Variants in TACC2 observed in about 807,000 individuals in gnomAD.
TACC2 encodes the protein transforming acidic coiled-coil containing protein 2.
In TACC2, 137 loss-of-function variants were observed where a neutral mutation model predicts 227.3. That is an observed-to-expected ratio of 0.60 (90% CI 0.52 to 0.69). The LOEUF (loss-of-function observed/expected upper bound fraction) is 0.69, where lower values mean the gene tolerates loss of function less well. TACC2 is among the 30% of genes least tolerant of loss of function. The probability of loss-of-function intolerance (pLI) is 0.00; values close to 1 mark genes in which losing one functional copy is unlikely to be tolerated. For synonymous variants in TACC2, 1,523 were observed against 1,487.5 expected (o/e 1.02, Z -0.55); for missense variants, 3,470 against 3,694.4 (o/e 0.94, Z 1.57).
intron 18 of TACC2, 32 bp from the exon 19 acceptor site, chr10:122,241,926 A>G (rs1295206150): frequency 6.2e-7 from 1 of 1,609,492 alleles, no homozygotes; most frequent in African/African-American, 1.3e-5. Context: ...TTCTGTTGTC[A>G]TGACTCCAAC....
chr10:122,041,501 C>T (rs1482915864), intron 2 of TACC2, among the ~76,000 whole-genome samples: 1 of 147,240 alleles, frequency 6.8e-6, no homozygotes, highest in Non-Finnish European at 1.5e-5. Context: ...GGCTGGAATG[C>T]AATGGCGCGA....
In TACC2 at chr10:122,105,944, CTGTGTG is replaced by C. The variant is rs71022897; in HGVS notation, c.5573+17375_5573+17380del. Among the ~76,000 whole-genome samples the C allele has an allele frequency of 3.6e-4, 53 of 145,230 alleles. No individual in the cohort carries two copies. In the East Asian group the frequency reaches 8.5e-3, roughly 23 times the overall value. On this transcript the variant is annotated intron_variant, in intron 5 of 22. Transcript: ENST00000369005. The stretch of plus-strand genomic sequence containing the variant: ...GGCCTGTCATAAACATTTTCTCTCT[CTGTGTG>C]TGTGTGTGTGTGTGTGTGTGTATGT...
intron 2 of TACC2, among the ~76,000 whole-genome samples, chr10:122,038,149 A>G (rs965190668): frequency 1.3e-5 from 2 of 152,000 alleles, no homozygotes; most frequent in African/African-American, 4.8e-5. Flanking sequence ...GGTCCCAGCT[A>G]TTTGGGAGGC....
intron 7 of TACC2, chr10:122,163,776 C>T: frequency 1.6e-6 from 2 of 1,223,538 alleles, no homozygotes; most frequent in Non-Finnish European, 2.0e-6. Flanking sequence ...CCTGCCGCCG[C>T]TCCCGCCGCC....
chr10:122,122,081 C>T (rs2085924875), intron 5 of TACC2, among the ~76,000 whole-genome samples: 1 of 152,158 alleles, frequency 6.6e-6, no homozygotes, highest in East Asian at 1.9e-4. Flanking sequence ...GTTAGCCAGG[C>T]GCGGTGGCTC....
rs1022979827 is a variant in TACC2, at chr10:122,087,763, G to A, written c.5263G>A (p.Ala1755Thr). 2 of 1,609,288 alleles carry A rather than the reference G, an allele frequency of 1.2e-6. No individual in the cohort carries two copies. Among genetic ancestry groups the A allele is most frequent in the African/African-American group, 2.7e-5 (2 of 74,896 alleles). Residue 1755 changes from alanine (A) to threonine (T), a missense_variant, in exon 4 of 23, where the codon GCT becomes ACT. Ala to Thr is a moderately conservative substitution (Grantham distance 58, BLOSUM62 0). Coordinates refer to ENST00000369005, the MANE Select transcript of TACC2 (RefSeq NM_206862.4). ...SCQDPACSDKAPGMEGTAALH... is the reference protein window; with the variant it reads ...SCQDPACSDKTPGMEGTAALH... ...TCAGGACCCAGCCTGCTCTGACAAGGCTCCGGGGATGGAGGGTACAGCTGC... is the reference window on the plus strand; with the variant it reads ...TCAGGACCCAGCCTGCTCTGACAAGACTCCGGGGATGGAGGGTACAGCTGC...
chr10:122,122,981 G>C (rs1204792071), intron 5 of TACC2, among the ~76,000 whole-genome samples: 2 of 152,122 alleles, frequency 1.3e-5, no homozygotes, highest in African/African-American at 4.8e-5. Flanking sequence ...TTTCTCCTCT[G>C]CTGCTGAGAG....
chr10:122,205,992 G>A lies in TACC2; in HGVS notation c.5972-4405G>A, dbSNP rs111311425. On this transcript the variant is annotated intron_variant, in intron 8 of 22. Coordinates refer to ENST00000369005, the MANE Select transcript of TACC2 (RefSeq NM_206862.4). The surrounding 1 kb of genome is among the most constrained non-coding windows in gnomAD (Gnocchi z 4.5). Reference sequence around the variant, plus strand: ...TCTCTGTGTAGGAGACCATCTACCCGTGATGCGGCAGCTTAAGAGAAGAGT... The same window carrying A: ...TCTCTGTGTAGGAGACCATCTACCCATGATGCGGCAGCTTAAGAGAAGAGT... 3.9e-5 allele frequency among the ~76,000 whole-genome samples: 6 copies of A among 152,168 alleles called. No individual in the cohort carries two copies. Among genetic ancestry groups the A allele is most frequent in the Non-Finnish European group, 8.8e-5 (6 of 68,040 alleles).
At position 122,203,867 on chromosome 10, in the gene TACC2, C is replaced by T. The variant is rs533445664; in HGVS notation, c.5972-6530C>T. On this transcript the variant is annotated intron_variant, in intron 8 of 22. Coordinates refer to ENST00000369005, the MANE Select transcript of TACC2 (RefSeq NM_206862.4). ...CGCCACTGCACTCCAGCCTTGGCAC[C>T]ATTGAGCACTGAGTGAACGAGACTC... Among the ~76,000 whole-genome samples the T allele has an allele frequency of 1.6e-4, 25 of 152,138 alleles. No individual in the cohort carries two copies. The South Asian group carries it at 5.2e-3, about 32-fold the overall frequency.
At chr10:122,137,544 A>G (rs980223429) in intron 6 of TACC2, among the ~76,000 whole-genome samples, 1 of 152,184 alleles carries the variant, frequency 6.6e-6, no homozygotes, top group Non-Finnish European at 1.5e-5. Context: ...AAGCAGTGAA[A>G]TGGGACACAT....
intron 5 of TACC2, among the ~76,000 whole-genome samples, chr10:122,099,209 T>C (rs884147): frequency 0.43 from 65,033 of 151,914 alleles, 14,246 homozygotes; most frequent in Non-Finnish European, 0.47. Context: ...GCTGGAGGAG[T>C]AGACTGTTCC....
Position 122,211,495 on chromosome 10 carries a change from A to T in TACC2, c.7070A>T (p.Gln2357Leu). The change falls in exon 9 of 23, where the codon CAG becomes CTG. Residue 2357 changes from glutamine (Q) to leucine (L), a missense_variant. Physicochemically the swap from Gln to Leu is moderately radical, Grantham distance 113 (BLOSUM62 -2). Transcript: ENST00000369005. ...FNPFSSTSKMQESPKLPQQSY... is the reference protein window; with the variant it reads ...FNPFSSTSKMLESPKLPQQSY... ...CCTTTTTCTTCCACCTCAAAAATGC[A>T]GGAGTCTCCCAAACTGCCCCAACAA... 1 of 1,613,880 alleles carries T rather than the reference A, an allele frequency of 6.2e-7. No homozygotes were observed. The highest frequency in any genetic ancestry group is 8.5e-7 in the Non-Finnish European group (1 of 1,179,944).
intron 7 of TACC2, among the ~76,000 whole-genome samples, chr10:122,157,049 C>G (rs1198332735): frequency 6.6e-6 from 1 of 152,136 alleles, no homozygotes; most frequent in Non-Finnish European, 1.5e-5. Flanking sequence ...GAGGTCGAGG[C>G]TGCAGTGAGA....
chr10:122,126,055 G>A (rs1343135500), intron 5 of TACC2, among the ~76,000 whole-genome samples: 1 of 151,946 alleles, frequency 6.6e-6, no homozygotes, highest in Non-Finnish European at 1.5e-5. Context: ...GGGATTACAG[G>A]CGTGAGCCAC....
At chr10:122,246,299 T>G (rs2096117513) in intron 19 of TACC2, among the ~76,000 whole-genome samples, 1 of 151,774 alleles carries the variant, frequency 6.6e-6, no homozygotes, top group Admixed American at 6.6e-5. Flanking sequence ...CCCTAAGAGG[T>G]CAGAACTTTA....
chr10:122,024,202 T>C (rs1364806906), intron 2 of TACC2, among the ~76,000 whole-genome samples: 1 of 152,014 alleles, frequency 6.6e-6, no homozygotes, highest in Non-Finnish European at 1.5e-5. Context: ...ACCCCATCTC[T>C]ACCAAGGAAA....
intron 5 of TACC2, among the ~76,000 whole-genome samples, chr10:122,115,281 T>G (rs12220045): frequency 0.82 from 113,376 of 138,334 alleles, 44,755 homozygotes; most frequent in East Asian, 0.94. Context: ...AGTGTGTGTG[T>G]GTGTGTGTGT....
chr10:122,251,632 C>T (rs972973427), intron 22 of TACC2, among the ~76,000 whole-genome samples: 3 of 152,114 alleles, frequency 2.0e-5, no homozygotes, highest in South Asian at 2.1e-4. Flanking sequence ...CCCAGAAGTT[C>T]GAGGCTGTAG....
In TACC2 at chr10:122,147,508, T is replaced by C. The variant is rs188902577; in HGVS notation, c.5834+3802T>C. 2.6e-5 allele frequency among the ~76,000 whole-genome samples: 4 copies of C among 152,226 alleles called. No individual in the cohort carries two copies. In the East Asian group the frequency reaches 7.7e-4, roughly 29 times the overall value. The stretch of plus-strand genomic sequence containing the variant: ...TGGAAGGAAGTCACTGTGTGCACAT[T>C]TAAGGGGTGGAGAGTTGTGCTCCTC... On this transcript the variant is annotated intron_variant, in intron 7 of 22. Coordinates refer to ENST00000369005, the MANE Select transcript of TACC2 (RefSeq NM_206862.4).
Sources: allele counts gnomAD v4.1 joint callset (sites outside exome capture counted in the v4.1 genomes callset), GRCh38; gene constraint gnomAD v4.1.1; non-coding constraint Gnocchi (gnomAD v3.1); transcripts MANE v1.5; gene names NCBI Gene and HGNC (gene_info 2026-07-23, HGNC 2026-07-21).